RNU5D-1: variants seen among roughly 807,000 people sequenced by gnomAD.
The protein encoded by RNU5D-1 is RNA, U5D small nuclear.
chr1:44,731,156 G>GA (rs1259510222), exon 1 of RNU5D-1: 32 of 151,220 alleles, frequency 2.1e-4, no homozygotes, highest in African/African-American at 6.8e-4. Flanking sequence ...ACGATTTGAA[G>GA]AGAAACCAGA....
exon 1 of RNU5D-1, chr1:44,731,142 T>A (rs548945029): frequency 2.0e-5 from 3 of 151,498 alleles, no homozygotes; most frequent in Non-Finnish European, 2.9e-5. Flanking sequence ...GGCGAAAGAT[T>A]TATACGATTT....
chr1:44,731,149 A>G (rs998066229), exon 1 of RNU5D-1: 4 of 151,424 alleles, frequency 2.6e-5, no homozygotes, highest in Non-Finnish European at 4.4e-5. Flanking sequence ...GATTTATACG[A>G]TTTGAAGAGA....
exon 1 of RNU5D-1, chr1:44,731,115 G>GA (rs1297573671): frequency 6.6e-6 from 1 of 151,870 alleles, no homozygotes; most frequent in Non-Finnish European, 1.5e-5. Context: ...TTCTCTCCAC[G>GA]GAAATCTTTA....
In RNU5D-1 at chr1:44,731,105, T is replaced by C. The variant is rs143518054; in HGVS notation, n.66A>G. On this transcript the variant is annotated non_coding_transcript_exon_variant, in exon 1 of 1. Transcript: ENST00000363299. ...AAATTTGCTTGAAACTCAAAACGGT[T>C]TCTCTCCACGGAAATCTTTAGTAAA... 5.9e-5 allele frequency: 9 copies of C among 151,722 alleles called. No individual in the cohort carries two copies. The East Asian group carries it at 1.5e-3, about 26-fold the overall frequency. 9.4% of individuals were successfully genotyped at this position (151,722 alleles called of 1,614,324 possible).
chr1:44,731,140 A>G (rs138747656), exon 1 of RNU5D-1: 11 of 151,682 alleles, frequency 7.3e-5, no homozygotes, highest in South Asian at 4.2e-4. Flanking sequence ...AAGGCGAAAG[A>G]TTTATACGAT....
At chr1:44,731,071 G>C (rs117127381) in exon 1 of RNU5D-1, 5 of 151,848 alleles carry the variant, frequency 3.3e-5, no homozygotes, top group Non-Finnish European at 7.4e-5. Context: ...ACCAACATAG[G>C]GCTTCAAAAA....
Position 44,731,123 on chromosome 1 carries a change from T to C in RNU5D-1, n.48A>G, listed in dbSNP as rs189524874. The C allele has an allele frequency of 9.3e-4, 141 of 152,018 alleles. 1 individual carries two copies. Among genetic ancestry groups the C allele is most frequent in the African/African-American group, 3.2e-3 (131 of 41,460 alleles). 9.4% of individuals were successfully genotyped at this position (152,018 alleles called of 1,614,324 possible). ...AAACGGTTTCTCTCCACGGAAATCTTTAGTAAAAGGCGAAAGATTTATACG... is the reference window on the plus strand; with the variant it reads ...AAACGGTTTCTCTCCACGGAAATCTCTAGTAAAAGGCGAAAGATTTATACG... On this transcript the variant is annotated non_coding_transcript_exon_variant, in exon 1 of 1. Coordinates refer to ENST00000363299, the Ensembl canonical transcript of RNU5D-1.
At chr1:44,731,132 G>T (rs114277931) in exon 1 of RNU5D-1, 18 of 151,824 alleles carry the variant, frequency 1.2e-4, no homozygotes, top group Non-Finnish European at 1.8e-4. Flanking sequence ...TTTAGTAAAA[G>T]GCGAAAGATT....
chr1:44,731,160 A>C (rs1307911468), exon 1 of RNU5D-1: 2 of 151,572 alleles, frequency 1.3e-5, no homozygotes, highest in African/African-American at 2.4e-5. Context: ...TTTGAAGAGA[A>C]ACCAGAGCAT....
chr1:44,731,146 A>T (rs1180002824), exon 1 of RNU5D-1: 1 of 151,586 alleles, frequency 6.6e-6, no homozygotes, highest in Non-Finnish European at 1.5e-5. Context: ...AAAGATTTAT[A>T]CGATTTGAAG....
chr1:44,731,147 C>CGATT (rs2148815559), exon 1 of RNU5D-1: 1 of 151,468 alleles, frequency 6.6e-6, no homozygotes, highest in South Asian at 2.1e-4. Context: ...AAGATTTATA[C>CGATT]GATTTGAAGA....
At chr1:44,731,069 A>T (rs1018988490) in exon 1 of RNU5D-1, 3 of 152,156 alleles carry the variant, frequency 2.0e-5, no homozygotes, top group African/African-American at 4.8e-5. Context: ...CCACCAACAT[A>T]GGGCTTCAAA....
At chr1:44,731,136 A>T (rs953780861) in exon 1 of RNU5D-1, 3 of 151,854 alleles carry the variant, frequency 2.0e-5, no homozygotes, top group East Asian at 3.9e-4. Flanking sequence ...GTAAAAGGCG[A>T]AAGATTTATA....
chr1:44,731,075 T>G (rs975424831), exon 1 of RNU5D-1: 1 of 152,094 alleles, frequency 6.6e-6, no homozygotes, highest in African/African-American at 2.4e-5. Context: ...ACATAGGGCT[T>G]CAAAAAATTT....
Sources: allele counts gnomAD v4.1 joint callset, GRCh38; gene constraint gnomAD v4.1.1; transcripts MANE v1.5; gene names NCBI Gene and HGNC (gene_info 2026-07-23, HGNC 2026-07-21).